Variants in PRCP observed in about 807,000 individuals in gnomAD.
The protein encoded by PRCP is prolylcarboxypeptidase, also known as lysosomal Pro-X carboxypeptidase.
A neutral mutation model predicts 54.2 loss-of-function variants in PRCP; 46 were observed. The ratio of observed to expected loss-of-function variants is 0.85; its 90% CI spans 0.67 to 1.09. The LOEUF is 1.09. Among genes scored for constraint, PRCP ranks in the 50% least tolerant of loss-of-function variants. The probability of loss-of-function intolerance (pLI) is 0.00; values close to 1 mark genes in which losing one functional copy is unlikely to be tolerated. For missense variants in PRCP, 613 were observed against 596.8 expected, an observed-to-expected ratio of 1.03 and a Z score of -0.28; for synonymous variants, 240 against 212.2, an observed-to-expected ratio of 1.13 and a Z score of -1.14.
chr11:82,842,057 G>A (rs190542858), intron 6 of PRCP, among the ~76,000 whole-genome samples: 4 of 152,304 alleles, frequency 2.6e-5, no homozygotes, highest in East Asian at 1.9e-4. Context: ...TGGGCAGGGG[G>A]AGAGGAGGTA....
chr11:82,873,234 A>C (rs1859522416), intron 1 of PRCP, among the ~76,000 whole-genome samples: 1 of 152,216 alleles, frequency 6.6e-6, no homozygotes, highest in African/African-American at 2.4e-5. Flanking sequence ...CCAAAGTCAT[A>C]ATACACCCCA....
At chr11:82,859,109 CT>C (rs1007400718) in intron 2 of PRCP, among the ~76,000 whole-genome samples, 2 of 152,168 alleles carry the variant, frequency 1.3e-5, no homozygotes, top group Admixed American at 6.5e-5. Flanking sequence ...TCACAACTAG[CT>C]TTTTGGTAGA....
Position 82,824,835 on chromosome 11 carries a change from A to G in PRCP, c.*71T>C. The stretch of plus-strand genomic sequence containing the variant: ...TAAACAAAAGAAGGTAATTACATGT[A>G]GAAAATCAAAGTGAATGGGAATGTG... On this transcript the variant is annotated 3_prime_UTR_variant, in exon 9 of 9. Transcript: ENST00000313010. The G allele has an allele frequency of 7.0e-7, 1 of 1,435,838 alleles. No homozygotes were observed. The highest frequency in any genetic ancestry group is 2.4e-5 in the East Asian group (1 of 40,910). 88.9% of individuals were successfully genotyped at this position (1,435,838 alleles called of 1,614,324 possible).
intron 8 of PRCP, among the ~76,000 whole-genome samples, chr11:82,834,994 A>G (rs11233332): frequency 0.29 from 43,802 of 152,018 alleles, 7,954 homozygotes; most frequent in African/African-American, 0.52. Flanking sequence ...AATCCAGGAG[A>G]CAGAGGTTGC....
chr11:82,838,215 A>C (rs1858570741), intron 8 of PRCP, among the ~76,000 whole-genome samples, 172 bp downstream of exon 8: 1 of 152,178 alleles, frequency 6.6e-6, no homozygotes, highest in African/African-American at 2.4e-5. Flanking sequence ...AATAGAGCAA[A>C]AAATCCTATC....
rs1858165657 is a variant in PRCP at position 82,824,333 on chromosome 11, A to C, written c.*573T>G. 6.5e-6 allele frequency: 1 copy of C among 153,544 alleles called. No homozygotes were observed. The highest frequency in any genetic ancestry group is 2.1e-4 in the South Asian group (1 of 4,874). 9.5% of individuals were successfully genotyped at this position (153,544 alleles called of 1,614,324 possible). A position where few individuals can be genotyped will look rare whatever the true frequency, so the allele number is the denominator to read the frequency against. On this transcript the variant is annotated 3_prime_UTR_variant, in exon 9 of 9. Coordinates refer to ENST00000313010, the MANE Select transcript of PRCP (RefSeq NM_005040.4). ...TGCACACAGCATTTCCATCAGCCGG[A>C]GTTGAAGTGAGCTTCAGAAGCAACA...
rs1858883716 is a variant in PRCP at position 82,849,158 on chromosome 11, T to G, written c.812A>C (p.Asp271Ala). 6 of 1,614,124 alleles carry G rather than the reference T, an allele frequency of 3.7e-6. No individual in the cohort carries two copies. The highest frequency in any genetic ancestry group is 5.1e-6 in the Non-Finnish European group (6 of 1,179,974). Residue 271 changes from aspartate to alanine, a missense_variant, in exon 6 of 9, where the codon GAC becomes GCC. By Grantham distance (126) the Asp-to-Ala change is moderately radical. Transcript: ENST00000313010. Reference sequence around the variant, plus strand: ...GATCCAGTCTTTCAAATGTTGGATGTCCTGAGAAGTTAATGGGCTGCATAA... The same window carrying G: ...GATCCAGTCTTTCAAATGTTGGATGGCCTGAGAAGTTAATGGGCTGCATAA... ...LHLCSPLTSQDIQHLKDWISE... is the reference protein window; with the variant it reads ...LHLCSPLTSQAIQHLKDWISE...
Position 82,860,034 on chromosome 11 carries a change from T to C in PRCP, c.252A>G (p.Gly84=), listed in dbSNP as rs376855391. 16 of 1,592,938 alleles carry C rather than the reference T, an allele frequency of 1.0e-5. No homozygotes were observed. The highest frequency in any genetic ancestry group is 1.7e-4 in the Middle Eastern group (1 of 6,030). Residue 84 remains glycine (G), a synonymous_variant, in exon 2 of 9, where the codon GGA becomes GGG. Transcript: ENST00000313010. ...VADKYWKKNG[G]SILFYTGNEG... ...CATTACCAGTGTAGAAAAGTATTGA[T>C]CCACCATTTTTCTTCCAGTATTTAT...
At chr11:82,839,214 G>A in intron 7 of PRCP, 47 bp downstream of exon 7, 3 of 1,574,660 alleles carry the variant, frequency 1.9e-6, no homozygotes, top group Non-Finnish European at 2.6e-6. Flanking sequence ...CAGCACAACT[G>A]TGTCAGTGAA....
intron 1 of PRCP, among the ~76,000 whole-genome samples, chr11:82,872,944 G>A (rs935142144): frequency 6.6e-6 from 1 of 152,140 alleles, no homozygotes. Context: ...TAAGATCAGT[G>A]GTGAACAAGA....
At chr11:82,848,761 A>G (rs949979508) in intron 6 of PRCP, among the ~76,000 whole-genome samples, 2 of 152,230 alleles carry the variant, frequency 1.3e-5, no homozygotes, top group Non-Finnish European at 2.9e-5. Flanking sequence ...GCACATAGTA[A>G]TTATTCCATT....
intron 8 of PRCP, chr11:82,830,701 G>A (rs1486669300): frequency 4.4e-5 from 6 of 135,890 alleles, no homozygotes; most frequent in African/African-American, 1.4e-4. Flanking sequence ...AAAACAAAAA[G>A]GAACACTCAT....
upstream of PRCP, chr11:82,900,478 C>A: frequency 6.6e-7 from 1 of 1,507,990 alleles, no homozygotes; most frequent in Admixed American, 2.0e-5. Context: ...TAAGCCCTGC[C>A]CAGCCTGCAG....
chr11:82,831,883 G>A (rs544778911), intron 8 of PRCP, among the ~76,000 whole-genome samples: 12 of 150,496 alleles, frequency 8.0e-5, no homozygotes, highest in South Asian at 4.2e-4. Flanking sequence ...CTCACCCCCC[G>A]ACAGGCCCCA....
chr11:82,871,177 C>T (rs1202481577), intron 1 of PRCP, among the ~76,000 whole-genome samples: 101 of 117,378 alleles, frequency 8.6e-4, no homozygotes, highest in African/African-American at 2.9e-3. Context: ...AAATGTTTCT[C>T]TTTTTTTTTT....
At chr11:82,832,994 A>G (rs960454323) in intron 8 of PRCP, among the ~76,000 whole-genome samples, 1 of 152,244 alleles carries the variant, frequency 6.6e-6, no homozygotes. Flanking sequence ...TCTTTGTAGA[A>G]GTAGACTTGC....
chr11:82,836,195 GGA>G (rs1565217833), intron 8 of PRCP: 8 of 79,436 alleles, frequency 1.0e-4, no homozygotes, highest in Non-Finnish European at 9.8e-5. Flanking sequence ...TCCATCTCGA[GGA>G]AAAAAAAAAA....
rs371640125 is a variant in PRCP, at chr11:82,882,697, G to A, written c.168+17538C>T. 4.0e-3 allele frequency among the ~76,000 whole-genome samples: 588 copies of A among 147,902 alleles called. 15 individuals are homozygous for A. Among genetic ancestry groups the A allele is most frequent in the African/African-American group, 0.013 (485 of 37,870 alleles). On this transcript the variant is annotated intron_variant, in intron 1 of 8. Coordinates refer to ENST00000313010, the MANE Select transcript of PRCP (RefSeq NM_005040.4). ...TTTTTAGTAGAGACGGGGTTTCACC[G>A]TTTTAGCCGGGATGGTCTCGATCTC... is the stretch of plus-strand genomic sequence containing the variant.
rs60498077 is a variant in PRCP, at chr11:82,844,747, A to AAAAGAAAGAAAG, written c.921+4290_921+4301dup. On this transcript the variant is annotated intron_variant, in intron 6 of 8. Coordinates refer to ENST00000313010, the MANE Select transcript of PRCP (RefSeq NM_005040.4). Reference sequence around the variant, plus strand: ...GGCTCCGTCTCAAAAAAAAAAAAAAAAAAGAAAGAAAGAAAGAAAGAAAAG... The same window carrying AAAAGAAAGAAAG: ...GGCTCCGTCTCAAAAAAAAAAAAAAAAAAGAAAGAAAGAAAGAAAGAAAGAAAGAAAGAAAAG... 6.2e-3 allele frequency among the ~76,000 whole-genome samples: 849 copies of AAAAGAAAGAAAG among 136,004 alleles called. 4 individuals carry two copies. The highest frequency in any genetic ancestry group is 0.015 in the Middle Eastern group (4 of 268). 89.2% of individuals were successfully genotyped at this position (136,004 alleles called of 152,430 possible).
Sources: gnomAD v4.1 joint callset for allele counts (sites outside exome capture counted in the v4.1 genomes callset) on GRCh38, gnomAD v4.1.1 for gene constraint, MANE v1.5 for transcripts, NCBI Gene and HGNC (gene_info 2026-07-23, HGNC 2026-07-21) for gene names.